NTN1: variants seen among roughly 807,000 people sequenced by gnomAD.
NTN1 encodes the protein netrin-1.
NTN1 carries 11 observed loss-of-function variants against 54.2 expected under a neutral mutation model. The ratio of observed to expected loss-of-function variants is 0.20; its 90% confidence interval spans 0.13 to 0.34. The LOEUF (loss-of-function observed/expected upper bound fraction) is 0.34, where lower values mean the gene tolerates loss of function less well. NTN1 is among the 10% of genes least tolerant of loss of function. The pLI is 1.00. For synonymous variants in NTN1, 371 were observed against 382.0 expected (o/e 0.97, Z 0.33); for missense variants, 740 against 893.1 (o/e 0.83, Z 2.18).
At chr17:9,071,103 C>G (rs1024049289) in intron 2 of NTN1, among the ~76,000 whole-genome samples, 5 of 152,214 alleles carry the variant, frequency 3.3e-5, no homozygotes, top group African/African-American at 1.2e-4. Flanking sequence ...CTTCTTGGAA[C>G]TTTCCAGATT....
chr17:9,157,136 T>A (rs997161317), intron 2 of NTN1, among the ~76,000 whole-genome samples: 1 of 152,258 alleles, frequency 6.6e-6, no homozygotes, highest in Admixed American at 6.5e-5. Context: ...GAAGGCTTTC[T>A]GTGGGCTGGA....
At chr17:9,213,899 G>A (rs914391015) in intron 5 of NTN1, among the ~76,000 whole-genome samples, 3 of 152,050 alleles carry the variant, frequency 2.0e-5, no homozygotes, top group Non-Finnish European at 4.4e-5. Context: ...AGATTTCCAA[G>A]ATTTTTAGGC....
At chr17:9,182,193 G>A (rs1221429331) in intron 4 of NTN1, among the ~76,000 whole-genome samples, 2 of 150,416 alleles carry the variant, frequency 1.3e-5, no homozygotes, top group Non-Finnish European at 3.0e-5. Flanking sequence ...TGGCCAGGCT[G>A]GTTGCAAACT....
Position 9,210,271 on chromosome 17 carries a change from C to T in NTN1, c.1412-10897C>T, listed in dbSNP as rs564681397. Reference sequence around the variant, plus strand: ...CCTTCCTGCCCTGCCTCCTTTGCACCGTTTAGGTCTTGTTCATGGGCTACC... The same window carrying T: ...CCTTCCTGCCCTGCCTCCTTTGCACTGTTTAGGTCTTGTTCATGGGCTACC... On this transcript the variant is annotated intron_variant, in intron 5 of 6. Coordinates refer to ENST00000173229, the MANE Select transcript of NTN1 (RefSeq NM_004822.3). 1.0e-3 allele frequency among the ~76,000 whole-genome samples: 159 copies of T among 152,066 alleles called. 1 individual carries two copies. Among genetic ancestry groups the T allele is most frequent in the Non-Finnish European group, 2.0e-3 (137 of 68,016 alleles).
At chr17:9,010,656 A>G in the NTN1 span, among the ~76,000 whole-genome samples, 1 of 152,216 alleles carries the variant, frequency 6.6e-6, no homozygotes, top group South Asian at 2.1e-4. Context: ...ACAAATTCCC[A>G]CAAATGGTTG....
In NTN1 at chr17:9,240,028, C is replaced by T. The variant is rs1023620297; in HGVS notation, c.*60C>T. Reference sequence around the variant, plus strand: ...CAGGGCGGGGCCGAGCGAGAGCGGGCGCCTTGGCCCGGCCGCCGCGGACTT... The same window carrying T: ...CAGGGCGGGGCCGAGCGAGAGCGGGTGCCTTGGCCCGGCCGCCGCGGACTT... On this transcript the variant is annotated 3_prime_UTR_variant, in exon 7 of 7. Coordinates refer to ENST00000173229, the MANE Select transcript of NTN1 (RefSeq NM_004822.3). The T allele has an allele frequency of 3.1e-4, 351 of 1,128,294 alleles. No homozygotes were observed. The highest frequency in any genetic ancestry group is 3.6e-4 in the Non-Finnish European group (331 of 912,784). 69.9% of individuals were successfully genotyped at this position (1,128,294 alleles called of 1,614,324 possible).
At chr17:9,106,404 G>T (rs1418997796) in intron 2 of NTN1, among the ~76,000 whole-genome samples, 1 of 152,222 alleles carries the variant, frequency 6.6e-6, no homozygotes, top group African/African-American at 2.4e-5. Context: ...TATCCTACAT[G>T]TAGTTTTGGT....
chr17:9,155,245 G>A (rs1000454512), intron 2 of NTN1, among the ~76,000 whole-genome samples: 9 of 152,198 alleles, frequency 5.9e-5, no homozygotes, highest in African/African-American at 2.2e-4. Context: ...CTTGCCTGCC[G>A]CTGTCACACC....
At chr17:9,026,099 G>A (rs927597355) in intron 2 of NTN1, among the ~76,000 whole-genome samples, 7 of 152,144 alleles carry the variant, frequency 4.6e-5, no homozygotes, top group African/African-American at 1.7e-4. Context: ...ATAATGATAT[G>A]TGATTTATAA....
At chr17:9,218,241 G>C (rs1346289995) in intron 5 of NTN1, among the ~76,000 whole-genome samples, 2 of 152,226 alleles carry the variant, frequency 1.3e-5, no homozygotes, top group Non-Finnish European at 2.9e-5. Flanking sequence ...CAGGGACTGG[G>C]CTGCCAGACT....
intron 2 of NTN1, among the ~76,000 whole-genome samples, chr17:9,060,173 C>T (rs900790160): frequency 3.3e-5 from 5 of 152,136 alleles, no homozygotes; most frequent in African/African-American, 1.2e-4. Context: ...ACCCCAGAGT[C>T]AGCAAGACCC....
intron 6 of NTN1, among the ~76,000 whole-genome samples, chr17:9,234,346 A>C (rs1905909181): frequency 6.6e-6 from 1 of 152,206 alleles, no homozygotes; most frequent in African/African-American, 2.4e-5. Flanking sequence ...GGCTGGTTGC[A>C]GGAAAGGAGG....
intron 2 of NTN1, among the ~76,000 whole-genome samples, chr17:9,111,806 C>A (rs1567713123): frequency 6.6e-6 from 1 of 152,074 alleles, no homozygotes; most frequent in Non-Finnish European, 1.5e-5. Context: ...GGAAGTGGGT[C>A]ATCATGAAGG....
chr17:9,039,771 C>G (rs1189695283), intron 2 of NTN1, among the ~76,000 whole-genome samples: 1 of 152,158 alleles, frequency 6.6e-6, no homozygotes, highest in East Asian at 1.9e-4. Context: ...CTTTCACCTT[C>G]CATGCTTAGT....
rs1180619935 is a variant in NTN1, at chr17:9,240,109, G to T, written c.*141G>T. On this transcript the variant is annotated 3_prime_UTR_variant, in exon 7 of 7. Coordinates refer to ENST00000173229, the MANE Select transcript of NTN1 (RefSeq NM_004822.3). ...GGGAGGGGGCGGGGCCGCACGGCGC[G>T]GGGGGCGGGACCCTCGGCGGCCCCT... The T allele has an allele frequency of 7.9e-6, 2 of 253,250 alleles. No homozygotes were observed. Among genetic ancestry groups the T allele is most frequent in the African/African-American group, 2.3e-5 (1 of 43,272 alleles). 15.7% of individuals were successfully genotyped at this position (253,250 alleles called of 1,614,324 possible). A position where few individuals can be genotyped will look rare whatever the true frequency, so the allele number is the denominator to read the frequency against.
intron 2 of NTN1, among the ~76,000 whole-genome samples, chr17:9,063,093 C>T (rs9915701): frequency 0.12 from 17,454 of 149,824 alleles, 1,312 homozygotes; most frequent in Non-Finnish European, 0.16. Flanking sequence ...TAGGTATTAT[C>T]ATTAATGACT....
At chr17:9,060,565 C>T (rs2091993909) in intron 2 of NTN1, among the ~76,000 whole-genome samples, 2 of 152,198 alleles carry the variant, frequency 1.3e-5, no homozygotes, top group South Asian at 4.2e-4. Context: ...TTGAGGACGG[C>T]CATGGTAACT....
At chr17:9,144,187 C>T (rs890373685) in intron 2 of NTN1, among the ~76,000 whole-genome samples, 23 of 152,180 alleles carry the variant, frequency 1.5e-4, no homozygotes, top group African/African-American at 4.3e-4. Flanking sequence ...TGAGCCACTG[C>T]GCCCGGCCGT....
chr17:9,043,266 GATA>G (rs562910331), intron 2 of NTN1, among the ~76,000 whole-genome samples: 62 of 152,158 alleles, frequency 4.1e-4, no homozygotes, highest in Non-Finnish European at 8.1e-4. Flanking sequence ...TTGTGAAAGT[GATA>G]ATAATAACAT....
Sources: allele counts gnomAD v4.1 joint callset (sites outside exome capture counted in the v4.1 genomes callset), GRCh38; gene constraint gnomAD v4.1.1; transcripts MANE v1.5; gene names NCBI Gene and HGNC (gene_info 2026-07-23, HGNC 2026-07-21).